Variants in GLP1R observed in about 807,000 individuals in gnomAD.
The protein encoded by GLP1R is glucagon-like peptide 1 receptor.
A neutral mutation model predicts 68.4 loss-of-function variants in GLP1R; 32 were observed. The observed-to-expected ratio is 0.47, with a 90% CI of 0.35 to 0.63. The LOEUF (loss-of-function observed/expected upper bound fraction) is 0.63. Ranked by LOEUF, GLP1R falls within the 20% of genes least tolerant of loss-of-function variation. The probability of loss-of-function intolerance (pLI) is 0.00; values close to 1 mark genes in which losing one functional copy is unlikely to be tolerated. For missense variants in GLP1R, 502 were observed against 594.9 expected, an observed-to-expected ratio of 0.84 and a Z score of 1.62; for synonymous variants, 263 against 244.4, an observed-to-expected ratio of 1.08 and a Z score of -0.71.
chr6:39,066,680 G>A (rs1449793001), intron 5 of GLP1R, among the ~76,000 whole-genome samples: 1 of 152,168 alleles, frequency 6.6e-6, no homozygotes, highest in Non-Finnish European at 1.5e-5. Context: ...AGATCTTGGG[G>A]ATTAGAGATC....
chr6:39,065,669 C>T (rs201399990), intron 3 of GLP1R, 42 bp from the exon 4 acceptor site: 25 of 1,317,228 alleles, frequency 1.9e-5, no homozygotes, highest in Non-Finnish European at 3.2e-6. Context: ...GCAGGCTGCC[C>T]TATTCTGGGC....
chr6:39,076,878 A>G (rs1047609597), intron 7 of GLP1R, among the ~76,000 whole-genome samples: 2 of 152,032 alleles, frequency 1.3e-5, no homozygotes, highest in Non-Finnish European at 2.9e-5. Flanking sequence ...TGAGTCCCTG[A>G]TCCATCTCCT....
intron 3 of GLP1R, among the ~76,000 whole-genome samples, chr6:39,063,926 A>AACAC (rs530782175): frequency 0.055 from 7,134 of 130,064 alleles, 212 homozygotes; most frequent in Middle Eastern, 0.093. Context: ...ACAGACACAT[A>AACAC]ACACACACAC....
In GLP1R at chr6:39,090,278, C is replaced by A. The variant is rs567198353; in HGVS notation, c.*4205C>A. 6.6e-6 allele frequency among the ~76,000 whole-genome samples: 1 copy of A among 152,358 alleles called. No homozygotes were observed. Among genetic ancestry groups the A allele is most frequent in the South Asian group, 2.1e-4 (1 of 4,824 alleles). On this transcript the variant is annotated 3_prime_UTR_variant, in exon 13 of 13. Coordinates refer to ENST00000373256, the MANE Select transcript of GLP1R (RefSeq NM_002062.5). ...TCAAGGAATACAGACTGGCAGGAAG[C>A]AGATAAGCATAATTGTTTTCCAATA...
Position 39,079,197 on chromosome 6 carries a change from G to A in GLP1R, c.1040G>A (p.Cys347Tyr). 1 of 1,608,510 alleles carries A rather than the reference G, an allele frequency of 6.2e-7. No individual in the cohort carries two copies. The highest frequency in any genetic ancestry group is 8.5e-7 in the Non-Finnish European group (1 of 1,174,854). The change falls in exon 10 of 13, where the codon TGC becomes TAC. Residue 347 changes from cysteine (C) to tyrosine (Y), a missense_variant. Coordinates refer to ENST00000373256, the MANE Select transcript of GLP1R (RefSeq NM_002062.5). This position sits in a 1 kb window ranked among gnomAD's most constrained non-coding sequence, Gnocchi z 4.5. ...CTCATGTGCAAGACAGACATCAAAT[G>A]CAGGTGATGTAACTGAGCTGGCTTT... Reference protein sequence around the residue: ...ANLMCKTDIKCRLAKSTLTLI... With the variant: ...ANLMCKTDIKYRLAKSTLTLI...
At chr6:39,068,139 A>G (rs1162757842) in intron 5 of GLP1R, among the ~76,000 whole-genome samples, 1 of 152,254 alleles carries the variant, frequency 6.6e-6, no homozygotes, top group Non-Finnish European at 1.5e-5. Context: ...AAAAAAAGAG[A>G]GAAATAGGAA....
chr6:39,078,902 C>T, intron 8 of GLP1R, 55 bp from the exon 9 acceptor site: 1 of 1,464,600 alleles, frequency 6.8e-7, no homozygotes, highest in South Asian at 1.1e-5. Context: ...TGCACCTGAG[C>T]TGGGGGTCCT....
chr6:39,085,383 C>A (rs901811868), intron 12 of GLP1R, among the ~76,000 whole-genome samples: 5 of 152,220 alleles, frequency 3.3e-5, no homozygotes, highest in South Asian at 2.1e-4. Context: ...CCCGTCTCAG[C>A]CACATTCCTT....
Position 39,075,390 on chromosome 6 carries a change from C to T in GLP1R, c.823+1621C>T, listed in dbSNP as rs116550245. The stretch of plus-strand genomic sequence containing the variant: ...GAAATAGCATCAGCGCTGTTAGTGC[C>T]TGTCACCATGGCGACCCGAGGGCAG... On this transcript the variant is annotated intron_variant, in intron 7 of 12. Transcript: ENST00000373256. 5.8e-3 allele frequency among the ~76,000 whole-genome samples: 879 copies of T among 152,338 alleles called. 11 individuals carry two copies. Among genetic ancestry groups the T allele is most frequent in the African/African-American group, 0.02 (813 of 41,574 alleles).
chr6:39,088,577 G>A lies in GLP1R; in HGVS notation c.*2504G>A, dbSNP rs912535617. Among the ~76,000 whole-genome samples the A allele has an allele frequency of 6.6e-6, 1 of 152,226 alleles. No individual in the cohort carries two copies. The highest frequency in any genetic ancestry group is 6.5e-5 in the Admixed American group (1 of 15,280). On this transcript the variant is annotated 3_prime_UTR_variant, in exon 13 of 13. Coordinates refer to ENST00000373256, the MANE Select transcript of GLP1R (RefSeq NM_002062.5). ...GGTCTGATGTCTGTTGTGAACAGCA[G>A]CTGACTTCAGCACTCTGGCCAGCTT...
In GLP1R at chr6:39,080,653, A is replaced by G. The variant is rs200288757; in HGVS notation, c.1183-45A>G. ...TCCGACCAGGGCCAGTCTGCAGGGC[A>G]CCTCCCTCCTGCTTCCTCCCTCTTG... is the stretch of plus-strand genomic sequence containing the variant. On this transcript the variant is annotated intron_variant, in intron 11 of 12. Transcript: ENST00000373256. 5.6e-5 allele frequency: 79 copies of G among 1,413,416 alleles called. No individual in the cohort carries two copies. In the Middle Eastern group the frequency reaches 1.0e-3, roughly 18 times the overall value. The allele number at this position is 1,413,416 out of a possible 1,614,324, so 87.6% of individuals were successfully genotyped here.
intron 5 of GLP1R, among the ~76,000 whole-genome samples, chr6:39,069,726 GA>G (rs1240389349): frequency 6.6e-6 from 1 of 151,828 alleles, no homozygotes; most frequent in Non-Finnish European, 1.5e-5. Context: ...CCCATTTGTG[GA>G]AATATAGACT....
chr6:39,091,043 C>T lies in GLP1R; in HGVS notation c.*4970C>T, dbSNP rs947092954. Among the ~76,000 whole-genome samples the T allele has an allele frequency of 6.6e-6, 1 of 152,128 alleles. No homozygotes were observed. The highest frequency in any genetic ancestry group is 1.5e-5 in the Non-Finnish European group (1 of 68,024). On this transcript the variant is annotated 3_prime_UTR_variant, in exon 13 of 13. Coordinates refer to ENST00000373256, the MANE Select transcript of GLP1R (RefSeq NM_002062.5). Reference sequence around the variant, plus strand: ...ATTTGATGCAAACCTTTAAATGCACCAACAGAGAGGTAAGCCAAGCTCTCA... The same window carrying T: ...ATTTGATGCAAACCTTTAAATGCACTAACAGAGAGGTAAGCCAAGCTCTCA...
chr6:39,080,830 C>A, intron 12 of GLP1R, 91 bp downstream of exon 12: 1 of 734,586 alleles, frequency 1.4e-6, no homozygotes, highest in Non-Finnish European at 2.3e-6. Flanking sequence ...ATCAATCTTG[C>A]CAGCTGAAAC....
intron 1 of GLP1R, among the ~76,000 whole-genome samples, chr6:39,052,405 G>A (rs1768108189): frequency 6.6e-6 from 1 of 152,118 alleles, no homozygotes; most frequent in Non-Finnish European, 1.5e-5. Context: ...AACCTGAAGG[G>A]CTGGACTTAG....
chr6:39,056,555 T>C (rs1583616954), intron 2 of GLP1R, 62 bp downstream of exon 2: 2 of 860,524 alleles, frequency 2.3e-6, no homozygotes, highest in Non-Finnish European at 2.0e-6. Flanking sequence ...TGGAGGACTT[T>C]GATGAACTCA....
intron 5 of GLP1R, among the ~76,000 whole-genome samples, chr6:39,071,855 G>A (rs975788310): frequency 6.6e-6 from 1 of 152,030 alleles, no homozygotes; most frequent in African/African-American, 2.4e-5. Context: ...GGAGAGACTT[G>A]ACTCCTTTAA....
In GLP1R at chr6:39,057,520, G is replaced by C; in HGVS notation, c.224G>C (p.Gly75Ala). 3 of 1,613,768 alleles carry C rather than the reference G, an allele frequency of 1.9e-6. No homozygotes were observed. The highest frequency in any genetic ancestry group is 1.7e-6 in the Non-Finnish European group (2 of 1,179,820). ...GATGAATACGCCTGCTGGCCAGATG[G>C]GGAGCCAGGCTCGTTCGTGAATGTC... Reference protein sequence around the residue: ...TFDEYACWPDGEPGSFVNVSC... With the variant: ...TFDEYACWPDAEPGSFVNVSC... Residue 75 changes from glycine (G) to alanine (A), a missense_variant, in exon 3 of 13, where the codon GGG becomes GCG. By Grantham distance (60) the Gly-to-Ala change is moderately conservative. Transcript: ENST00000373256.
At chr6:39,082,525 G>T (rs187123282) in intron 12 of GLP1R, among the ~76,000 whole-genome samples, 2 of 152,188 alleles carry the variant, frequency 1.3e-5, no homozygotes, top group Non-Finnish European at 2.9e-5. Flanking sequence ...CAGCGGCTCC[G>T]TTTGGAGGGT....
Sources: allele counts gnomAD v4.1 joint callset (sites outside exome capture counted in the v4.1 genomes callset), GRCh38; gene constraint gnomAD v4.1.1; non-coding constraint Gnocchi (gnomAD v3.1); transcripts MANE v1.5; gene names NCBI Gene and HGNC (gene_info 2026-07-23, HGNC 2026-07-21).